LCLAT1: variants seen among roughly 807,000 people sequenced by gnomAD.
The protein encoded by LCLAT1 is 1-AGP acyltransferase 8.
A neutral mutation model predicts 30.7 loss-of-function variants in LCLAT1; 11 were observed. That is an observed-to-expected ratio of 0.36 (90% confidence interval 0.23 to 0.59). The LOEUF (loss-of-function observed/expected upper bound fraction) is 0.59. Among genes scored for constraint, LCLAT1 ranks in the 20% least tolerant of loss-of-function variants. LCLAT1 has a pLI of 0.77. For missense variants in LCLAT1, 402 were observed against 458.6 expected (o/e 0.88, Z 1.13); for synonymous variants, 155 against 151.3 (o/e 1.02, Z -0.18).
At position 30,533,302 on chromosome 2, in the gene LCLAT1, G is replaced by C; in HGVS notation, c.352G>C (p.Val118Leu). The C allele has an allele frequency of 6.2e-7, 1 of 1,613,900 alleles. No homozygotes were observed. The highest frequency in any genetic ancestry group is 8.5e-7 in the Non-Finnish European group (1 of 1,179,788). ...KICLKASLKG[V>L]PGFGWAMQAA... Reference sequence around the variant, plus strand: ...TTGCCTCAAAGCGAGTCTCAAAGGTGTTCCTGGATTTGGTAGGTTATTCAC... The same window carrying C: ...TTGCCTCAAAGCGAGTCTCAAAGGTCTTCCTGGATTTGGTAGGTTATTCAC... Residue 118 changes from valine to leucine, a missense_variant, in exon 3 of 6, where the codon GTT (valine) becomes CTT (leucine). Transcript: ENST00000379509.
intron 1 of LCLAT1, among the ~76,000 whole-genome samples, chr2:30,513,137 C>CT (rs1357903154): frequency 2.6e-5 from 4 of 151,938 alleles, no homozygotes; most frequent in Middle Eastern, 3.4e-3. Flanking sequence ...GAAAATGGTA[C>CT]TTTAATTTAT....
intron 1 of LCLAT1, among the ~76,000 whole-genome samples, chr2:30,517,929 A>G (rs1468746582): frequency 6.6e-6 from 1 of 152,212 alleles, no homozygotes; most frequent in Non-Finnish European, 1.5e-5. Flanking sequence ...GGGTGTAGCC[A>G]AAAGCGCTGA....
intron 1 of LCLAT1, among the ~76,000 whole-genome samples, chr2:30,468,918 A>G (rs1291761491): frequency 1.3e-5 from 2 of 152,086 alleles, no homozygotes; most frequent in East Asian, 1.9e-4. Context: ...AATGCTTGTT[A>G]TTTTCCATTT....
intron 1 of LCLAT1, among the ~76,000 whole-genome samples, chr2:30,524,279 C>CT (rs1262779164): frequency 3.3e-5 from 5 of 152,262 alleles, no homozygotes; most frequent in Admixed American, 1.3e-4. Flanking sequence ...AGTGAAGAGT[C>CT]TAAGTTCTAC....
intron 1 of LCLAT1, among the ~76,000 whole-genome samples, chr2:30,481,829 C>T (rs1283507266): frequency 1.3e-5 from 2 of 152,084 alleles, no homozygotes; most frequent in Non-Finnish European, 2.9e-5. Context: ...CCAGAGTATT[C>T]GAGGAGTCTT....
At chr2:30,502,402 A>G (rs1185713327) in intron 1 of LCLAT1, among the ~76,000 whole-genome samples, 1 of 152,146 alleles carries the variant, frequency 6.6e-6, no homozygotes, top group Non-Finnish European at 1.5e-5. Context: ...CAATTCACTC[A>G]TTTAAACTGT....
intron 5 of LCLAT1, among the ~76,000 whole-genome samples, chr2:30,638,149 TCA>T (rs1218215634): frequency 3.9e-5 from 6 of 152,204 alleles, no homozygotes; most frequent in South Asian, 4.1e-4. Context: ...CTAAAGTAAA[TCA>T]CAGAGTAATG....
intron 3 of LCLAT1, among the ~76,000 whole-genome samples, chr2:30,560,453 C>G (rs1341191385): frequency 6.6e-6 from 1 of 152,148 alleles, no homozygotes; most frequent in East Asian, 1.9e-4. Flanking sequence ...GTTCTCCCCG[C>G]TCAGCCTCCC....
intron 1 of LCLAT1, among the ~76,000 whole-genome samples, chr2:30,495,226 A>G (rs747086900): frequency 6.6e-6 from 1 of 152,194 alleles, no homozygotes; most frequent in Non-Finnish European, 1.5e-5. Flanking sequence ...CCCACAAATC[A>G]TTATGTACAT....
intron 5 of LCLAT1, among the ~76,000 whole-genome samples, chr2:30,598,704 G>A (rs1052822079): frequency 1.3e-5 from 2 of 151,942 alleles, no homozygotes; most frequent in Admixed American, 6.6e-5. Context: ...GCTTTGGAGT[G>A]TGTTTGCTCT....
At chr2:30,568,883 A>AAAG (rs1239321620) in intron 5 of LCLAT1, among the ~76,000 whole-genome samples, 2 of 150,632 alleles carry the variant, frequency 1.3e-5, no homozygotes, top group Non-Finnish European at 3.0e-5. Flanking sequence ...AAAAAAAAAA[A>AAAG]AGAGAAAAAA....
intron 5 of LCLAT1, among the ~76,000 whole-genome samples, chr2:30,615,293 A>G (rs1057008792): frequency 6.6e-6 from 1 of 152,102 alleles, no homozygotes; most frequent in Admixed American, 6.6e-5. Flanking sequence ...GATCCTCCTT[A>G]TGAAAAAAAG....
At chr2:30,465,453 TTC>T in intron 1 of LCLAT1, among the ~76,000 whole-genome samples, 1 of 152,322 alleles carries the variant, frequency 6.6e-6, no homozygotes, top group East Asian at 1.9e-4. Flanking sequence ...GAGAATAACT[TTC>T]TGTTTTAAGC....
intron 1 of LCLAT1, among the ~76,000 whole-genome samples, chr2:30,525,045 A>AG (rs993615458): frequency 1.3e-5 from 2 of 151,804 alleles, no homozygotes; most frequent in Non-Finnish European, 2.9e-5. Context: ...TATGTTAAAA[A>AG]AAAAAGGCTT....
At chr2:30,607,506 C>G (rs1342409611) in intron 5 of LCLAT1, 1 of 152,042 alleles carries the variant, frequency 6.6e-6, no homozygotes, top group Non-Finnish European at 1.5e-5. Flanking sequence ...GTGACATCAT[C>G]ACATGTTTGT....
intron 5 of LCLAT1, among the ~76,000 whole-genome samples, chr2:30,609,276 G>T (rs904479424): frequency 6.6e-6 from 1 of 151,632 alleles, no homozygotes; most frequent in African/African-American, 2.4e-5. Context: ...TTTATCTTAC[G>T]ACCTATGCTC....
At chr2:30,483,041 A>G (rs1025111687) in intron 1 of LCLAT1, among the ~76,000 whole-genome samples, 1 of 152,230 alleles carries the variant, frequency 6.6e-6, no homozygotes, top group Non-Finnish European at 1.5e-5. Context: ...TGAGATAAAA[A>G]CTAAGCAAAT....
intron 1 of LCLAT1, among the ~76,000 whole-genome samples, chr2:30,485,880 G>A (rs1005849605): frequency 5.9e-5 from 9 of 152,080 alleles, no homozygotes; most frequent in Non-Finnish European, 1.5e-5. Context: ...TTTGGGCTTC[G>A]TATTTGTCAT....
chr2:30,640,333 A>G lies in LCLAT1; in HGVS notation c.845A>G (p.Gln282Arg). The change falls in exon 6 of 6, where the codon CAA becomes CGA. Residue 282 changes from glutamine (Q) to arginine (R), a missense_variant. By Grantham distance (43) the Gln-to-Arg change is conservative. Coordinates refer to ENST00000379509, the MANE Select transcript of LCLAT1 (RefSeq NM_001002257.3). ...GAAGAGAGGCTGCGTTCCTTCTATC[A>G]AGGGGAGAAGAATTTTTATTTTACC... ...EKEERLRSFYQGEKNFYFTGQ... is the reference protein window; with the variant it reads ...EKEERLRSFYRGEKNFYFTGQ... 6.2e-7 allele frequency: 1 copy of G among 1,614,214 alleles called. No individual in the cohort carries two copies. The highest frequency in any genetic ancestry group is 8.5e-7 in the Non-Finnish European group (1 of 1,180,030).
Sources: allele counts gnomAD v4.1 joint callset (sites outside exome capture counted in the v4.1 genomes callset), GRCh38; gene constraint gnomAD v4.1.1; transcripts MANE v1.5; gene names NCBI Gene and HGNC (gene_info 2026-07-23, HGNC 2026-07-21).